The following KRT36 variants were observed in gnomAD, a reference collection of about 807,000 sequenced individuals.
KRT36 encodes keratin, type I cuticular Ha6.
In KRT36, 41 loss-of-function variants were observed where a neutral mutation model predicts 43.0. That is an observed-to-expected ratio of 0.95 (90% CI 0.74 to 1.24). KRT36 has a LOEUF of 1.24. Among genes scored for constraint, KRT36 ranks in the 50% most tolerant of loss-of-function variants. The pLI is 0.00. For synonymous variants in KRT36, 277 were observed against 252.9 expected (o/e 1.10, Z -0.90); for missense variants, 627 against 595.3 (o/e 1.05, Z -0.55).
At chr17:41,486,866 G>C (rs1028511611) in intron 6 of KRT36, 84 bp downstream of exon 6, 6 of 1,287,058 alleles carry the variant, frequency 4.7e-6, no homozygotes, top group African/African-American at 2.9e-5. Context: ...CCTTCATCTG[G>C]GCGACAACCA....
At chr17:41,487,214 C>T (rs770771908) in intron 5 of KRT36, 44 bp from the exon 6 acceptor site, 3 of 1,590,872 alleles carry the variant, frequency 1.9e-6, no homozygotes, top group African/African-American at 2.7e-5. Flanking sequence ...GGAGGAATCC[C>T]CTGACCCCAG....
chr17:41,488,915 C>G (rs969527575), intron 1 of KRT36, among the ~76,000 whole-genome samples, 191 bp from the exon 2 acceptor site: 3 of 152,114 alleles, frequency 2.0e-5, no homozygotes, highest in African/African-American at 7.2e-5. Context: ...TGTCAGTGAC[C>G]ATCAGTCCTG....
chr17:41,489,400 C>T lies in KRT36; in HGVS notation c.459+6G>A, dbSNP rs1178599116. 1.2e-6 allele frequency: 2 copies of T among 1,612,220 alleles called. No individual in the cohort carries two copies. The highest frequency in any genetic ancestry group is 3.3e-5 in the Admixed American group (2 of 59,994). ...CTCAGCTGGAAAGGGGCCAGGTCTC[C>T]CTCACCTTCTGCTGGAAATCTTCGA... On this transcript the variant is annotated splice_donor_region_variant and intron_variant, in intron 1 of 6. Coordinates refer to ENST00000328119, the MANE Select transcript of KRT36 (RefSeq NM_003771.5).
rs1164896141 is a variant in KRT36 at position 41,486,438 on chromosome 17, CG to C, written c.1341del (p.Glu448ArgfsTer74). ...ATGACTTTCCCATCTCTGATCTCCT[CG>C]GTGATGGTGCGGATCTGAGTGCCAA... Reference protein sequence around the residue: ...PQVGTQIRTITEEIRDGKVIS... With the variant: ...PQVGTQIRTIXEEIRDGKVIS... On this transcript the variant is annotated frameshift_variant, in exon 7 of 7. Transcript: ENST00000328119. LOFTEE classifies it high-confidence loss of function. 1.7e-5 allele frequency: 28 copies of C among 1,613,966 alleles called. No individual in the cohort carries two copies. The highest frequency in any genetic ancestry group is 2.3e-5 in the Non-Finnish European group (27 of 1,180,024).
rs1904380471 is a variant in KRT36 at position 41,486,371 on chromosome 17, G to A, written c.*5C>T. The A allele has an allele frequency of 1.2e-6, 2 of 1,612,752 alleles. No homozygotes were observed. Among genetic ancestry groups the A allele is most frequent in the Non-Finnish European group, 1.7e-6 (2 of 1,179,360 alleles). Reference sequence around the variant, plus strand: ...GGGCCCTGCCCTGGTGGACCAAGTGGGCTGTCACAGCGGGCGGGACTGCAC... The same window carrying A: ...GGGCCCTGCCCTGGTGGACCAAGTGAGCTGTCACAGCGGGCGGGACTGCAC... On this transcript the variant is annotated 3_prime_UTR_variant, in exon 7 of 7. Transcript: ENST00000328119.
rs770593791 is a variant in KRT36 at position 41,488,668 on chromosome 17, C to T, written c.516G>A (p.Lys172=). 6.2e-7 allele frequency: 1 copy of T among 1,614,174 alleles called. No homozygotes were observed. The highest frequency in any genetic ancestry group is 1.1e-5 in the South Asian group (1 of 91,084). The change falls in exon 2 of 7, where the codon AAG becomes AAA. Residue 172 remains lysine, a synonymous_variant. Transcript: ENST00000328119. ...TGGTCCGGAAGTCGTCAGCAGCCAG[C>T]TTGGCATTATCAATCTGCAGGACCA... ...ARLVLQIDNA[K]LAADDFRTKY...
Position 41,486,485 on chromosome 17 carries a change from G to A in KRT36, c.1295C>T (p.Pro432Leu), listed in dbSNP as rs967611020. Residue 432 changes from proline to leucine, a missense_variant, in exon 7 of 7, where the codon CCC becomes CTC. Pro to Leu is a moderately conservative substitution (Grantham distance 98). Coordinates refer to ENST00000328119, the MANE Select transcript of KRT36 (RefSeq NM_003771.5). ...GCCAACCTGGGGAGCCGGGGTGCAGGGCACAGAGGGGACACAGGGCACCGG... is the reference window on the plus strand; with the variant it reads ...GCCAACCTGGGGAGCCGGGGTGCAGAGCACAGAGGGGACACAGGGCACCGG... Reference protein sequence around the residue: ...VPPVPCVPSVPCTPAPQVGTQ... With the variant: ...VPPVPCVPSVLCTPAPQVGTQ... 5 of 1,613,702 alleles carry A rather than the reference G, an allele frequency of 3.1e-6. No homozygotes were observed. The highest frequency in any genetic ancestry group is 4.2e-6 in the Non-Finnish European group (5 of 1,179,832).
chr17:41,487,068 C>T lies in KRT36; in HGVS notation c.1090G>A (p.Glu364Lys). The T allele has an allele frequency of 6.2e-7, 1 of 1,614,238 alleles. No homozygotes were observed. Among genetic ancestry groups the T allele is most frequent in the Non-Finnish European group, 8.5e-7 (1 of 1,180,028 alleles). Residue 364 changes from glutamate (E) to lysine (K), a missense_variant, in exon 6 of 7, where the codon GAG (glutamate) becomes AAG (lysine). Physicochemically the swap from Glu to Lys is moderately conservative, Grantham distance 56. Coordinates refer to ENST00000328119, the MANE Select transcript of KRT36 (RefSeq NM_003771.5). ...TGCCGCTCCAGGTCGCAGCGGATCTCAGACAGCTGGGCCTCCACGTTGCTG... is the reference window on the plus strand; with the variant it reads ...TGCCGCTCCAGGTCGCAGCGGATCTTAGACAGCTGGGCCTCCACGTTGCTG... ...LISNVEAQLS[E>K]IRCDLERQNQ...
In KRT36 at chr17:41,487,032, ACTCCTGGTT is replaced by A; in HGVS notation, c.1117_1125del (p.Asn373_Glu375del). On this transcript the variant is annotated inframe_deletion, in exon 6 of 7. Coordinates refer to ENST00000328119, the MANE Select transcript of KRT36 (RefSeq NM_003771.5). Reference sequence around the variant, plus strand: ...GCCTTGACGTCCAGTAACACCTGGTACTCCTGGTTCTGCCGCTCCAGGTCGCAGCGGATC... The same window carrying A: ...GCCTTGACGTCCAGTAACACCTGGTACTGCCGCTCCAGGTCGCAGCGGATC... 6.2e-7 allele frequency: 1 copy of A among 1,613,978 alleles called. No homozygotes were observed. The highest frequency in any genetic ancestry group is 1.1e-5 in the South Asian group (1 of 91,078).
In KRT36 at chr17:41,488,710, C is replaced by T. The variant is rs1904476821; in HGVS notation, c.474G>A (p.Lys158=). 1 of 1,614,128 alleles carries T rather than the reference C, an allele frequency of 6.2e-7. No individual in the cohort carries two copies. Among genetic ancestry groups the T allele is most frequent in the South Asian group, 1.1e-5 (1 of 91,076 alleles). The part of the protein sequence containing the change: ...EDFQQKILLT[K]SENARLVLQI... ...GCAGGACCAGCCTGGCATTCTCAGA[C>T]TTAGTCAGCAGGATCTGGGGAACAA... Residue 158 remains lysine, a synonymous_variant, in exon 2 of 7, where the codon AAG becomes AAA. Transcript: ENST00000328119.
chr17:41,487,228 C>T (rs2144486035), intron 5 of KRT36, 58 bp from the exon 6 acceptor site: 5 of 1,583,516 alleles, frequency 3.2e-6, no homozygotes, highest in East Asian at 4.5e-5. Context: ...ACCCCAGAAA[C>T]CCACAGCCCT....
At position 41,488,668 on chromosome 17, in the gene KRT36, C is replaced by G; in HGVS notation, c.516G>C (p.Lys172Asn). The change falls in exon 2 of 7, where the codon AAG (lysine) becomes AAC (asparagine). Residue 172 changes from lysine to asparagine, a missense_variant. Physicochemically the swap from Lys to Asn is moderately conservative, Grantham distance 94 (BLOSUM62 0). Transcript: ENST00000328119. ...TGGTCCGGAAGTCGTCAGCAGCCAGCTTGGCATTATCAATCTGCAGGACCA... is the reference window on the plus strand; with the variant it reads ...TGGTCCGGAAGTCGTCAGCAGCCAGGTTGGCATTATCAATCTGCAGGACCA... Reference protein sequence around the residue: ...ARLVLQIDNAKLAADDFRTKY... With the variant: ...ARLVLQIDNANLAADDFRTKY... 2 of 1,614,174 alleles carry G rather than the reference C, an allele frequency of 1.2e-6. No homozygotes were observed. Among genetic ancestry groups the G allele is most frequent in the Non-Finnish European group, 1.7e-6 (2 of 1,180,018 alleles).
rs1003842 is a variant in KRT36, at chr17:41,489,769, A to C, written c.96T>G (p.Arg32=). 1 of 1,613,644 alleles carries C rather than the reference A, an allele frequency of 6.2e-7. No individual in the cohort carries two copies. The highest frequency in any genetic ancestry group is 8.5e-7 in the Non-Finnish European group (1 of 1,179,968). Residue 32 remains arginine (R), a synonymous_variant, in exon 1 of 7, where the codon CGT becomes CGG. Transcript: ENST00000328119. ...AGGISRVSSI[R]SVGSCRVPSL... ...TGGGGACCCTGCAGGAGCCCACAGA[A>C]CGGATGGAGGACACCCGAGAGATGC... is the stretch of plus-strand genomic sequence containing the variant.
In KRT36 at chr17:41,489,577, A is replaced by T. The variant is rs1360839654; in HGVS notation, c.288T>A (p.Thr96=). The change falls in exon 1 of 7, where the codon ACT becomes ACA. Residue 96 remains threonine (T), a synonymous_variant. Coordinates refer to ENST00000328119, the MANE Select transcript of KRT36 (RefSeq NM_003771.5). ...EGSFNGSEKE[T]MQFLNDRLAN... ...CCAGGCGGTCGTTCAGGAACTGCATAGTCTCCTTCTCGCTGCCGTTGAAGG... is the reference window on the plus strand; with the variant it reads ...CCAGGCGGTCGTTCAGGAACTGCATTGTCTCCTTCTCGCTGCCGTTGAAGG... 1 of 1,614,150 alleles carries T rather than the reference A, an allele frequency of 6.2e-7. No homozygotes were observed. Among genetic ancestry groups the T allele is most frequent in the East Asian group, 2.2e-5 (1 of 44,874 alleles).
rs570636230 is a variant in KRT36 at position 41,489,467 on chromosome 17, A to T, written c.398T>A (p.Ile133Asn). ...CTGGTAGTCTGGGCAGATGTATGGG[A>T]TCTGAAACTCGTACCACTCCTGGAT... ...SRIQEWYEFQIPYICPDYQSY... is the reference protein window; with the variant it reads ...SRIQEWYEFQNPYICPDYQSY... Residue 133 changes from isoleucine (I) to asparagine (N), a missense_variant, in exon 1 of 7, where the codon ATC becomes AAC. By Grantham distance (149) the Ile-to-Asn change is moderately radical. Transcript: ENST00000328119. 6.2e-7 allele frequency: 1 copy of T among 1,614,146 alleles called. No homozygotes were observed. The highest frequency in any genetic ancestry group is 1.7e-5 in the Admixed American group (1 of 60,016).
intron 1 of KRT36, among the ~76,000 whole-genome samples, 166 bp from the exon 2 acceptor site, chr17:41,488,890 G>A (rs997487902): frequency 2.0e-5 from 3 of 152,134 alleles, no homozygotes; most frequent in African/African-American, 4.8e-5. Context: ...CCACCCCACA[G>A]GGGCATCCCG....
chr17:41,486,856 C>T (rs1904395967), intron 6 of KRT36, 94 bp downstream of exon 6: 1 of 1,185,560 alleles, frequency 8.4e-7, no homozygotes, highest in African/African-American at 1.5e-5. Flanking sequence ...GGTTTAGTTC[C>T]CTTCATCTGG....
rs1395255866 is a variant in KRT36 at position 41,487,351 on chromosome 17, C to T, written c.987G>A (p.Met329Ile). The T allele has an allele frequency of 6.2e-7, 1 of 1,610,808 alleles. No homozygotes were observed. The highest frequency in any genetic ancestry group is 1.7e-5 in the Admixed American group (1 of 59,920). ...AGCGACGCAGGCAGGGGCCACTCAC[C>T]ATGCTGTGCTGAGCCTGCAGCTCAA... ...LEIELQAQHSMRNSLESTLAE... is the reference protein window; with the variant it reads ...LEIELQAQHSIRNSLESTLAE... The change falls in exon 5 of 7, where the codon ATG (methionine) becomes ATA (isoleucine). Residue 329 changes from methionine (M) to isoleucine (I), a missense_variant and splice_region_variant. Met to Ile is a conservative substitution (Grantham distance 10). Coordinates refer to ENST00000328119, the MANE Select transcript of KRT36 (RefSeq NM_003771.5).
chr17:41,486,700 A>C (rs1416501421), intron 6 of KRT36, 129 bp from the exon 7 acceptor site: 3 of 779,996 alleles, frequency 3.8e-6, no homozygotes, highest in African/African-American at 3.5e-5. Context: ...GAATTCCCCA[A>C]GGGTGAGAGG....
Sources: allele counts gnomAD v4.1 joint callset (sites outside exome capture counted in the v4.1 genomes callset), GRCh38; gene constraint gnomAD v4.1.1; transcripts MANE v1.5; gene names NCBI Gene and HGNC (gene_info 2026-07-23, HGNC 2026-07-21).